Variants in USP13 observed in about 807,000 individuals in gnomAD.
USP13 encodes ubiquitin specific peptidase 13.
USP13 carries 68 observed loss-of-function variants against 107.8 expected under a neutral mutation model. That is an observed-to-expected ratio of 0.63 (90% CI 0.52 to 0.77). The LOEUF (loss-of-function observed/expected upper bound fraction) is 0.77. Among genes scored for constraint, USP13 ranks in the 30% least tolerant of loss-of-function variants. The pLI is 0.00. For missense variants in USP13, 945 were observed against 1,093.3 expected (o/e 0.86, Z 1.91); for synonymous variants, 377 against 389.5 (o/e 0.97, Z 0.38).
intron 1 of USP13, among the ~76,000 whole-genome samples, chr3:179,671,295 C>T (rs1452974541): frequency 6.6e-6 from 1 of 152,110 alleles, no homozygotes; most frequent in Non-Finnish European, 1.5e-5. Context: ...TGGGAATATA[C>T]AGCCCCCATA....
chr3:179,690,199 T>G, intron 2 of USP13, 42 bp from the exon 3 acceptor site: 2 of 1,589,366 alleles, frequency 1.3e-6, no homozygotes, highest in Non-Finnish European at 8.6e-7. Context: ...AAGATGTTTA[T>G]TTTATAGGCC....
chr3:179,684,813 A>G (rs546891715), intron 2 of USP13, among the ~76,000 whole-genome samples: 1 of 146,144 alleles, frequency 6.8e-6, no homozygotes, highest in African/African-American at 2.5e-5. Flanking sequence ...TTGAAGCCAT[A>G]TTTATTTTTT....
chr3:179,670,179 G>A (rs986729989), intron 1 of USP13, among the ~76,000 whole-genome samples: 1 of 152,102 alleles, frequency 6.6e-6, no homozygotes, highest in Admixed American at 6.5e-5. Context: ...TGAAGTCTCA[G>A]CCTCCTAGAG....
At chr3:179,710,761 C>T (rs980366613) in intron 6 of USP13, among the ~76,000 whole-genome samples, 10 of 152,226 alleles carry the variant, frequency 6.6e-5, no homozygotes, top group African/African-American at 2.4e-4. Flanking sequence ...CACAACCAAG[C>T]TATATGATGT....
chr3:179,750,304 GTATATATATATA>G (rs61032635), intron 13 of USP13, among the ~76,000 whole-genome samples: 1 of 113,516 alleles, frequency 8.8e-6, no homozygotes, highest in African/African-American at 2.9e-5. Context: ...ATATGTGTGT[GTATATATATATA>G]TATATGTGTG....
intron 1 of USP13, among the ~76,000 whole-genome samples, chr3:179,677,743 C>A (rs1275965223): frequency 1.3e-5 from 2 of 151,956 alleles, no homozygotes; most frequent in African/African-American, 4.8e-5. Flanking sequence ...TGTCCTTGAA[C>A]ATTTTTGTTC....
At chr3:179,767,675 A>C (rs1715221465) in intron 19 of USP13, among the ~76,000 whole-genome samples, 1 of 152,160 alleles carries the variant, frequency 6.6e-6, no homozygotes. Flanking sequence ...TTTGACTAGG[A>C]GCTTGCCCAG....
At chr3:179,667,895 G>A (rs1286389597) in intron 1 of USP13, among the ~76,000 whole-genome samples, 8 of 152,128 alleles carry the variant, frequency 5.3e-5, no homozygotes, top group Non-Finnish European at 8.8e-5. Flanking sequence ...TGATCTGGCC[G>A]CTTTGGCCTG....
At chr3:179,672,130 T>C (rs545851531) in intron 1 of USP13, among the ~76,000 whole-genome samples, 1 of 152,354 alleles carries the variant, frequency 6.6e-6, no homozygotes, top group African/African-American at 2.4e-5. Context: ...TTAAAATGAC[T>C]ATTCACTTGC....
chr3:179,709,978 G>A (rs935339783), intron 6 of USP13, among the ~76,000 whole-genome samples: 7 of 125,956 alleles, frequency 5.6e-5, no homozygotes, highest in African/African-American at 1.2e-4. Context: ...TCATTGAACC[G>A]GTGTAGTTTT....
At chr3:179,769,598 G>A (rs1400498357) in intron 19 of USP13, among the ~76,000 whole-genome samples, 1 of 152,062 alleles carries the variant, frequency 6.6e-6, no homozygotes, top group East Asian at 1.9e-4. Flanking sequence ...TAGTAGAGAC[G>A]GAATTTCGCC....
intron 16 of USP13, among the ~76,000 whole-genome samples, chr3:179,758,747 C>T (rs746333504): frequency 2.6e-5 from 4 of 152,124 alleles, no homozygotes; most frequent in Admixed American, 6.5e-5. Context: ...ATCCACCCGC[C>T]TCGGCCTCCC....
chr3:179,691,167 TA>T (rs57267808), intron 3 of USP13, among the ~76,000 whole-genome samples: 120,301 of 140,170 alleles, frequency 0.86, 51,600 homozygotes, highest in Admixed American at 0.91. Context: ...ATCCTGTCTT[TA>T]AAAAAAAAAA....
Position 179,740,312 on chromosome 3 carries a change from C to G in USP13, c.1320C>G (p.Phe440Leu). The G allele has an allele frequency of 6.2e-7, 1 of 1,614,174 alleles. No homozygotes were observed. The highest frequency in any genetic ancestry group is 1.1e-5 in the South Asian group (1 of 91,082). Residue 440 changes from phenylalanine to leucine, a missense_variant, in exon 11 of 21, where the codon TTC becomes TTG. Physicochemically the swap from Phe to Leu is conservative, Grantham distance 22. Transcript: ENST00000263966. ...TTGTAAGCAAGAGCCACCCGGAATT[C>G]TCCTCTAACAGGCAGCAAGATGCCC... ...KAFVSKSHPE[F>L]SSNRQQDAQE...
intron 10 of USP13, 141 bp from the exon 11 acceptor site, chr3:179,740,106 C>A: frequency 8.4e-7 from 1 of 1,187,110 alleles, no homozygotes; most frequent in Non-Finnish European, 1.2e-6. Context: ...CGAGTATTGG[C>A]CACTATCATT....
intron 17 of USP13, 143 bp from the exon 18 acceptor site, chr3:179,763,859 T>C (rs1388674847): frequency 7.0e-6 from 8 of 1,139,032 alleles, no homozygotes; most frequent in Non-Finnish European, 9.6e-6. Flanking sequence ...GTGCTGGGAT[T>C]ACAGGCATGA....
chr3:179,687,505 C>T (rs1179451051), intron 2 of USP13, among the ~76,000 whole-genome samples: 3 of 151,028 alleles, frequency 2.0e-5, no homozygotes, highest in Non-Finnish European at 4.4e-5. Flanking sequence ...ACTAAAAATA[C>T]AAAATCAGCT....
intron 3 of USP13, among the ~76,000 whole-genome samples, chr3:179,692,302 G>A (rs998224660): frequency 6.6e-6 from 1 of 152,238 alleles, no homozygotes; most frequent in Non-Finnish European, 1.5e-5. Flanking sequence ...TATTTGAAAA[G>A]TGAAGCCATT....
intron 10 of USP13, among the ~76,000 whole-genome samples, chr3:179,733,055 G>A (rs2300764): frequency 0.19 from 28,915 of 152,078 alleles, 2,938 homozygotes; most frequent in Admixed American, 0.25. Context: ...TGGAGCCAAG[G>A]GGCAGCCCTC....
Sources: allele counts gnomAD v4.1 joint callset (sites outside exome capture counted in the v4.1 genomes callset), GRCh38; gene constraint gnomAD v4.1.1; transcripts MANE v1.5; gene names NCBI Gene and HGNC (gene_info 2026-07-23, HGNC 2026-07-21).